The following BNC2 variants were observed in gnomAD, a reference collection of about 807,000 sequenced individuals.
The protein encoded by BNC2 is zinc finger protein basonuclin-2.
BNC2 carries 20 observed loss-of-function variants against 76.3 expected under a neutral mutation model. That is an observed-to-expected ratio of 0.26 (90% confidence interval 0.18 to 0.38). BNC2 has a LOEUF of 0.38. Among genes scored for constraint, BNC2 ranks in the 10% least tolerant of loss-of-function variants. The probability of loss-of-function intolerance (pLI) is 1.00; values close to 1 mark genes in which losing one functional copy is unlikely to be tolerated. For missense variants in BNC2, 1,382 were observed against 1,399.8 expected (o/e 0.99, Z 0.20); for synonymous variants, 582 against 514.8 (o/e 1.13, Z -1.77).
At chr9:16,830,496 A>G (rs1290765878) in intron 1 of BNC2, among the ~76,000 whole-genome samples, 1 of 152,260 alleles carries the variant, frequency 6.6e-6, no homozygotes, top group Non-Finnish European at 1.5e-5. Flanking sequence ...AGTAATGACA[A>G]GAAAATATTC....
At chr9:16,497,419 C>A (rs1375864333) in intron 5 of BNC2, among the ~76,000 whole-genome samples, 1 of 152,140 alleles carries the variant, frequency 6.6e-6, no homozygotes, top group African/African-American at 2.4e-5. Context: ...AGACCATGCC[C>A]TTTGACATAT....
chr9:16,562,236 G>C (rs1819036871), intron 4 of BNC2, among the ~76,000 whole-genome samples: 1 of 152,126 alleles, frequency 6.6e-6, no homozygotes, highest in South Asian at 2.1e-4. Context: ...AAGCATGAGT[G>C]TCCAATAATG....
chr9:16,544,237 A>AT (rs1318709046), intron 5 of BNC2, among the ~76,000 whole-genome samples: 2 of 151,760 alleles, frequency 1.3e-5, no homozygotes, highest in South Asian at 2.1e-4. Flanking sequence ...CAATAAATCA[A>AT]TTTTTTTTGC....
At chr9:16,701,604 G>A (rs1181967164) in intron 3 of BNC2, among the ~76,000 whole-genome samples, 1 of 152,140 alleles carries the variant, frequency 6.6e-6, no homozygotes, top group Admixed American at 6.5e-5. Context: ...AACTTTGGCA[G>A]GCTAAAAGAA....
chr9:16,565,727 G>C (rs142673919), intron 4 of BNC2, among the ~76,000 whole-genome samples: 109 of 151,928 alleles, frequency 7.2e-4, no homozygotes, highest in African/African-American at 2.6e-3. Flanking sequence ...AGGATCACTT[G>C]AGCCTGGGAG....
At position 16,411,215 on chromosome 9, in the gene BNC2, A is replaced by C. The variant is rs745923102; in HGVS notation, c.*7774T>G. On this transcript the variant is annotated 3_prime_UTR_variant, in exon 7 of 7. Coordinates refer to ENST00000380672, the MANE Select transcript of BNC2 (RefSeq NM_017637.6). ...ATGACAGAAGTGGGCAGAGCCAGTT[A>C]ATAATTGATGGATTTGCCATCTTAG... The C allele has an allele frequency of 2.0e-5, 3 of 152,672 alleles. No homozygotes were observed. The highest frequency in any genetic ancestry group is 4.8e-5 in the African/African-American group (2 of 41,444). 9.5% of individuals were successfully genotyped at this position (152,672 alleles called of 1,614,324 possible).
intron 5 of BNC2, among the ~76,000 whole-genome samples, chr9:16,513,049 C>T (rs966915357): frequency 1.3e-5 from 2 of 151,920 alleles, no homozygotes; most frequent in African/African-American, 2.4e-5. Flanking sequence ...ACATGAGAAT[C>T]GCTTGAACCT....
At chr9:16,539,173 G>A (rs1473393723) in intron 5 of BNC2, among the ~76,000 whole-genome samples, 1 of 151,992 alleles carries the variant, frequency 6.6e-6, no homozygotes, top group Non-Finnish European at 1.5e-5. Context: ...ACATTTTCCT[G>A]AATCCTCAAA....
intron 5 of BNC2, among the ~76,000 whole-genome samples, chr9:16,527,815 C>T (rs1468920317): frequency 6.6e-6 from 1 of 152,190 alleles, no homozygotes; most frequent in Non-Finnish European, 1.5e-5. Context: ...CTGCCTGTCA[C>T]CCAAATGCAA....
chr9:16,434,304 C>A (rs1820959991), intron 6 of BNC2, among the ~76,000 whole-genome samples: 1 of 152,132 alleles, frequency 6.6e-6, no homozygotes, highest in Admixed American at 6.5e-5. Flanking sequence ...ATTCCAGGGA[C>A]AGGACACTAC....
intron 5 of BNC2, among the ~76,000 whole-genome samples, chr9:16,480,725 G>T (rs559407396): frequency 6.6e-6 from 1 of 152,212 alleles, no homozygotes. Flanking sequence ...ATTTCTCACC[G>T]GGCCCTAGCT....
chr9:16,566,122 GC>G (rs1819160052), intron 4 of BNC2, among the ~76,000 whole-genome samples: 2 of 151,754 alleles, frequency 1.3e-5, no homozygotes, highest in Admixed American at 1.3e-4. Flanking sequence ...TTTCCATGTA[GC>G]CTAGAGAGGC....
rs546991002 is a variant in BNC2 at position 16,425,662 on chromosome 9, ATGGTT to A, written c.2640-6018_2640-6014del. Reference sequence around the variant, plus strand: ...TGACATATATGGAAAAGCCAAACAGATGGTTTGTTTACTCCACTTTGCAACTTTAT... The same window carrying A: ...TGACATATATGGAAAAGCCAAACAGATGTTTACTCCACTTTGCAACTTTAT... On this transcript the variant is annotated intron_variant, in intron 6 of 6. Transcript: ENST00000380672. 2.7e-3 allele frequency among the ~76,000 whole-genome samples: 410 copies of A among 152,342 alleles called. 1 individual carries two copies. The highest frequency in any genetic ancestry group is 3.8e-3 in the Admixed American group (58 of 15,300).
chr9:16,495,238 T>C (rs1822363053), intron 5 of BNC2, among the ~76,000 whole-genome samples: 1 of 152,204 alleles, frequency 6.6e-6, no homozygotes, highest in Admixed American at 6.5e-5. Context: ...TTGGCTTTCT[T>C]GGCCTAACAT....
At chr9:16,546,203 A>T (rs1256694402) in intron 5 of BNC2, among the ~76,000 whole-genome samples, 1 of 152,200 alleles carries the variant, frequency 6.6e-6, no homozygotes, top group Non-Finnish European at 1.5e-5. Context: ...CATTTCATCT[A>T]TATTATTTCA....
chr9:16,811,622 G>A (rs1396561933), intron 1 of BNC2, among the ~76,000 whole-genome samples: 1 of 150,202 alleles, frequency 6.7e-6, no homozygotes, highest in African/African-American at 2.4e-5. Context: ...GACATGGACT[G>A]ACTATTCAGT....
intron 3 of BNC2, among the ~76,000 whole-genome samples, chr9:16,632,736 C>G (rs958571622): frequency 6.6e-6 from 1 of 152,142 alleles, no homozygotes; most frequent in African/African-American, 2.4e-5. Flanking sequence ...ATCCCAAGGT[C>G]TAATTTAACG....
chr9:16,523,544 T>C (rs1187827786), intron 5 of BNC2, among the ~76,000 whole-genome samples: 1 of 149,970 alleles, frequency 6.7e-6, no homozygotes, highest in Non-Finnish European at 1.5e-5. Flanking sequence ...AAAACAACTG[T>C]GAAGGTGAAT....
chr9:16,430,130 A>G, intron 6 of BNC2: 1 of 426,930 alleles, frequency 2.3e-6, no homozygotes, highest in Non-Finnish European at 4.7e-6. Context: ...GATGGAAAGT[A>G]ATGGAAGATA....
Sources: gnomAD v4.1 joint callset for allele counts (sites outside exome capture counted in the v4.1 genomes callset) on GRCh38, gnomAD v4.1.1 for gene constraint, MANE v1.5 for transcripts, NCBI Gene and HGNC (gene_info 2026-07-23, HGNC 2026-07-21) for gene names.